Variants in ABCA13 observed in about 807,000 individuals in gnomAD.
ABCA13 encodes ATP-binding cassette sub-family A member 13.
A neutral mutation model predicts 478.7 loss-of-function variants in ABCA13; 476 were observed. That is an observed-to-expected ratio of 0.99 (90% CI 0.92 to 1.07). The LOEUF (loss-of-function observed/expected upper bound fraction) is 1.07, where lower values mean the gene tolerates loss of function less well. ABCA13 is among the 50% of genes least tolerant of loss of function. The pLI is 0.00. For missense variants in ABCA13, 6,060 were observed against 5,910.6 expected (o/e 1.03, Z -0.83); for synonymous variants, 2,252 against 2,158.9 (o/e 1.04, Z -1.20).
intron 41 of ABCA13, among the ~76,000 whole-genome samples, chr7:48,419,664 T>A (rs1820482530): frequency 6.6e-6 from 1 of 152,226 alleles, no homozygotes; most frequent in African/African-American, 2.4e-5. Flanking sequence ...TCAATTACTT[T>A]GGAGATGTAG....
intron 41 of ABCA13, among the ~76,000 whole-genome samples, chr7:48,421,505 G>A (rs982479800): frequency 6.6e-6 from 1 of 152,184 alleles, no homozygotes; most frequent in African/African-American, 2.4e-5. Context: ...GTCATACCAA[G>A]TTGAGCCAGT....
intron 56 of ABCA13, among the ~76,000 whole-genome samples, chr7:48,585,650 G>A (rs1339994047): frequency 6.6e-6 from 1 of 152,090 alleles, no homozygotes; most frequent in African/African-American, 2.4e-5. Context: ...GTCAAAAAGA[G>A]TATACACATT....
At chr7:48,214,411 C>T (rs779741285) in intron 3 of ABCA13, among the ~76,000 whole-genome samples, 1 of 152,252 alleles carries the variant, frequency 6.6e-6, no homozygotes, top group South Asian at 2.1e-4. Context: ...GCTGTGTTAG[C>T]CCCTAACAAG....
intron 55 of ABCA13, among the ~76,000 whole-genome samples, chr7:48,577,728 G>C (rs951734329): frequency 2.6e-5 from 4 of 152,078 alleles, no homozygotes; most frequent in African/African-American, 9.7e-5. Flanking sequence ...CTGTTTTTAT[G>C]AGGCCAGCAT....
chr7:48,523,512 T>A (rs970322921), intron 53 of ABCA13, among the ~76,000 whole-genome samples: 1 of 152,024 alleles, frequency 6.6e-6, no homozygotes, highest in East Asian at 1.9e-4. Context: ...CAAAGCCAGG[T>A]AATTGATGTT....
intron 15 of ABCA13, among the ~76,000 whole-genome samples, chr7:48,254,074 C>T (rs1793004182): frequency 6.6e-6 from 1 of 151,904 alleles, no homozygotes; most frequent in African/African-American, 2.4e-5. Flanking sequence ...ATTCTTTCTG[C>T]AGAATGTGTT....
chr7:48,472,732 C>T (rs549268946), intron 45 of ABCA13, among the ~76,000 whole-genome samples: 8 of 152,200 alleles, frequency 5.3e-5, no homozygotes, highest in East Asian at 1.9e-4. Context: ...CTCAAAAAAC[C>T]GGTTAGGACT....
At chr7:48,605,559 T>A (rs1009634255) in intron 58 of ABCA13, among the ~76,000 whole-genome samples, 5 of 152,252 alleles carry the variant, frequency 3.3e-5, no homozygotes, top group Non-Finnish European at 7.3e-5. Context: ...CTCTGGCTTG[T>A]AGGGTTTCTG....
intron 57 of ABCA13, 38 bp downstream of exon 57, chr7:48,587,326 A>G (rs1249782982): frequency 3.9e-6 from 6 of 1,542,206 alleles, no homozygotes; most frequent in East Asian, 2.4e-5. Context: ...AGTAAGATAC[A>G]TATTGCATAT....
At chr7:48,530,183 G>A (rs1163262973) in intron 55 of ABCA13, among the ~76,000 whole-genome samples, 5 of 152,016 alleles carry the variant, frequency 3.3e-5, no homozygotes, top group African/African-American at 9.7e-5. Flanking sequence ...GAGAACATAA[G>A]AATGCTTGGT....
At chr7:48,380,962 T>A (rs1814272341) in intron 35 of ABCA13, among the ~76,000 whole-genome samples, 1 of 152,132 alleles carries the variant, frequency 6.6e-6, no homozygotes, top group Non-Finnish European at 1.5e-5. Flanking sequence ...GGACAGACTC[T>A]CTCCCGAAGA....
chr7:48,239,873 G>A (rs939679155), intron 9 of ABCA13, among the ~76,000 whole-genome samples: 16 of 152,332 alleles, frequency 1.1e-4, no homozygotes, highest in Non-Finnish European at 2.4e-4. Context: ...ACAACACGAA[G>A]GGAGGCTCTA....
At chr7:48,556,245 A>G (rs973443906) in intron 55 of ABCA13, among the ~76,000 whole-genome samples, 1 of 151,878 alleles carries the variant, frequency 6.6e-6, no homozygotes, top group East Asian at 1.9e-4. Flanking sequence ...CTTGACAGTG[A>G]TCTACGTGCT....
chr7:48,437,827 G>A (rs1028840956), intron 42 of ABCA13, among the ~76,000 whole-genome samples: 1 of 151,908 alleles, frequency 6.6e-6, no homozygotes, highest in African/African-American at 2.4e-5. Flanking sequence ...TTATTTTCTG[G>A]GCATGTAGCC....
At chr7:48,460,070 GA>G (rs1419874595) in intron 43 of ABCA13, among the ~76,000 whole-genome samples, 1 of 151,986 alleles carries the variant, frequency 6.6e-6, no homozygotes, top group East Asian at 1.9e-4. Flanking sequence ...AGGAGACCTA[GA>G]AAAAGACCTA....
intron 58 of ABCA13, among the ~76,000 whole-genome samples, chr7:48,614,510 T>C (rs952200673): frequency 6.6e-5 from 10 of 151,082 alleles, no homozygotes; most frequent in Admixed American, 3.4e-4. Flanking sequence ...AGAAATACCA[T>C]TTGACCCAGC....
At chr7:48,425,757 T>A (rs13225691) in intron 41 of ABCA13, among the ~76,000 whole-genome samples, 141 of 112,672 alleles carry the variant, frequency 1.3e-3, no homozygotes, top group East Asian at 9.4e-3. Flanking sequence ...TTATTTATTT[T>A]TTCGAGATGG....
chr7:48,514,148 C>G (rs1242734919), intron 51 of ABCA13, among the ~76,000 whole-genome samples: 3 of 152,122 alleles, frequency 2.0e-5, no homozygotes, highest in African/African-American at 7.2e-5. Context: ...ACAGCAAGAC[C>G]GGGAGGCTGC....
At chr7:48,480,068 G>A (rs1012568959) in intron 45 of ABCA13, among the ~76,000 whole-genome samples, 1 of 152,172 alleles carries the variant, frequency 6.6e-6, no homozygotes, top group Admixed American at 6.5e-5. Flanking sequence ...TCTCACCTGA[G>A]TTTCTTCCTC....
Sources: allele counts gnomAD v4.1 joint callset (sites outside exome capture counted in the v4.1 genomes callset), GRCh38; gene constraint gnomAD v4.1.1; transcripts MANE v1.5; gene names NCBI Gene and HGNC (gene_info 2026-07-23, HGNC 2026-07-21).